The following AMELX variants were observed in gnomAD, a reference collection of about 807,000 sequenced individuals.
AMELX encodes the protein amelogenin X-linked.
AMELX carries 9 observed loss-of-function variants against 15.8 expected under a neutral mutation model. The observed-to-expected ratio is 0.57, with a 90% CI of 0.34 to 0.99. AMELX has a LOEUF of 0.99. Ranked by LOEUF, AMELX falls within the 50% of genes least tolerant of loss-of-function variation. The probability of loss-of-function intolerance (pLI) is 0.02; values close to 1 mark genes in which losing one functional copy is unlikely to be tolerated. For synonymous variants in AMELX, 61 were observed against 58.8 expected (o/e 1.04, Z -0.17); for missense variants, 107 against 156.2 (o/e 0.68, Z 1.68).
chrX:11,298,727 C>T lies in AMELX; in HGVS notation c.324C>T (p.Ser108=), dbSNP rs777235911. The T allele has an allele frequency of 2.5e-6, 3 of 1,211,401 alleles. No homozygotes were observed. In the South Asian group the frequency reaches 5.3e-5, roughly 21 times the overall value. Residue 108 remains serine (S), a synonymous_variant, in exon 5 of 6, where the codon TCC becomes TCT. Transcript: ENST00000380714. ...TGATGCCCGTTCCTGGCCAACACTC[C>T]ATGACTCCAATCCAACACCACCAGC... ...QPMMPVPGQH[S]MTPIQHHQPN...
chrX:11,298,211 G>C (rs762554859), intron 3 of AMELX, 25 bp from the exon 4 acceptor site: 14 of 1,210,464 alleles, frequency 1.2e-5, no homozygotes, highest in Non-Finnish European at 1.6e-5. Context: ...AAATCAAATG[G>C]GTTCTAATAT....
chrX:11,308,345 A>G, the AMELX span, among the ~76,000 whole-genome samples: 1 of 112,129 alleles, frequency 8.9e-6, no homozygotes, highest in Non-Finnish European at 1.9e-5. Context: ...GAAATCATTA[A>G]AGAAAAAACC....
the AMELX span, among the ~76,000 whole-genome samples, chrX:11,306,734 G>T: frequency 6.1e-4 from 69 of 112,241 alleles, no homozygotes; most frequent in Non-Finnish European, 1.3e-3. Context: ...TATTTTTAAT[G>T]GCAAATGTAA....
chrX:11,309,204 C>T, the AMELX span, among the ~76,000 whole-genome samples: 2 of 111,808 alleles, frequency 1.8e-5, no homozygotes, highest in Admixed American at 1.9e-4. Flanking sequence ...GCAGTAGGCA[C>T]GAAACACAGA....
At chrX:11,308,293 A>T in the AMELX span, among the ~76,000 whole-genome samples, 1 of 112,376 alleles carries the variant, frequency 8.9e-6, no homozygotes, top group East Asian at 2.8e-4. Context: ...GTAACAATCT[A>T]AATTAATATT....
chrX:11,300,553 C>T, intron 5 of AMELX, 54 bp from the exon 6 acceptor site: 1 of 1,039,300 alleles, frequency 9.6e-7, no homozygotes, highest in South Asian at 2.0e-5. Flanking sequence ...GTAAATGGTA[C>T]TCACTAGGAA....
chrX:11,299,068 C>T, intron 5 of AMELX, 95 bp downstream of exon 5: 1 of 1,030,658 alleles, frequency 9.7e-7, no homozygotes, highest in Non-Finnish European at 1.3e-6. Context: ...AACCAAGGAT[C>T]TAGAGTTGTA....
chrX:11,301,557 T>C (rs142872625), downstream of AMELX, among the ~76,000 whole-genome samples: 1,077 of 112,252 alleles, frequency 9.6e-3, 20 homozygotes, highest in Admixed American at 0.057. Flanking sequence ...TTAATCATTT[T>C]CTGGAATGAA....
intron 2 of AMELX, among the ~76,000 whole-genome samples, chrX:11,295,340 C>A (rs2048065812): frequency 9.0e-6 from 1 of 111,714 alleles, no homozygotes; most frequent in Non-Finnish European, 1.9e-5. Context: ...ACTTTTTGAG[C>A]CACATTCCTG....
the AMELX span, among the ~76,000 whole-genome samples, chrX:11,307,432 T>A: frequency 8.9e-6 from 1 of 112,058 alleles, no homozygotes; most frequent in Non-Finnish European, 1.9e-5. Flanking sequence ...CTACAAATGT[T>A]AGCTATCAAG....
chrX:11,309,037 G>A, the AMELX span, among the ~76,000 whole-genome samples: 2 of 111,766 alleles, frequency 1.8e-5, no homozygotes, highest in Admixed American at 1.9e-4. Context: ...GATGTTAAAA[G>A]AGACTCAAGC....
At chrX:11,294,958 T>C (rs951791307) in intron 2 of AMELX, 116 bp downstream of exon 2, 10 of 822,324 alleles carry the variant, frequency 1.2e-5, no homozygotes, top group African/African-American at 6.1e-5. Flanking sequence ...GATGTCTTCA[T>C]ATGTCTCTGG....
At chrX:11,294,963 C>A in intron 2 of AMELX, 121 bp downstream of exon 2, 2 of 802,025 alleles carry the variant, frequency 2.5e-6, no homozygotes, top group Non-Finnish European at 3.8e-6. Context: ...CTTCATATGT[C>A]TCTGGGTTGA....
intron 2 of AMELX, among the ~76,000 whole-genome samples, chrX:11,295,674 T>C (rs1258803131): frequency 5.4e-5 from 6 of 111,592 alleles, no homozygotes; most frequent in Non-Finnish European, 1.1e-4. Flanking sequence ...CTTCCTGAAA[T>C]CCTGCATTGC....
chrX:11,308,327 C>T, the AMELX span, among the ~76,000 whole-genome samples: 1 of 111,396 alleles, frequency 9.0e-6, no homozygotes, highest in East Asian at 2.8e-4. Context: ...TTTTAAGGTT[C>T]TTTCTATGAA....
chrX:11,300,828 T>C (rs7052450), downstream of AMELX: 18,573 of 373,868 alleles, frequency 0.05, 808 homozygotes, highest in African/African-American at 0.2. Context: ...TATGAATGAG[T>C]ATTCTTGAAT....
chrX:11,295,831 G>C (rs1039945941), intron 2 of AMELX, among the ~76,000 whole-genome samples: 1 of 111,744 alleles, frequency 8.9e-6, no homozygotes. Context: ...CATGAAATGT[G>C]AGCATTTTTA....
At chrX:11,296,529 C>G (rs1002642327) in intron 2 of AMELX, among the ~76,000 whole-genome samples, 2 of 111,809 alleles carry the variant, frequency 1.8e-5, no homozygotes, top group African/African-American at 6.5e-5. Flanking sequence ...AAGGCTATAA[C>G]CCCAGGAACA....
At chrX:11,295,283 T>A (rs1308098713) in intron 2 of AMELX, among the ~76,000 whole-genome samples, 1 of 111,087 alleles carries the variant, frequency 9.0e-6, no homozygotes, top group African/African-American at 3.3e-5. Context: ...CCTCCACATA[T>A]TGCTGCTCTT....
Sources: allele counts gnomAD v4.1 joint callset (sites outside exome capture counted in the v4.1 genomes callset), GRCh38; gene constraint gnomAD v4.1.1; transcripts MANE v1.5; gene names NCBI Gene and HGNC (gene_info 2026-07-23, HGNC 2026-07-21).